Variants in ETFB observed in about 807,000 individuals in gnomAD.
The protein encoded by ETFB is electron transfer flavoprotein subunit beta.
A neutral mutation model predicts 25.6 loss-of-function variants in ETFB; 20 were observed. The ratio of observed to expected loss-of-function variants is 0.78; its 90% CI spans 0.55 to 1.14. The LOEUF is 1.14. Ranked by LOEUF, ETFB falls within the 50% of genes most tolerant of loss-of-function variation. ETFB has a pLI of 0.00. For synonymous variants in ETFB, 142 were observed against 146.7 expected (o/e 0.97, Z 0.23); for missense variants, 286 against 342.6 (o/e 0.83, Z 1.30).
At chr19:51,350,852 A>T (rs1985919137) in intron 3 of ETFB, among the ~76,000 whole-genome samples, 1 of 152,190 alleles carries the variant, frequency 6.6e-6, no homozygotes, top group African/African-American at 2.4e-5. Flanking sequence ...TGTCACGGTG[A>T]CTCAGCGCTG....
intron 2 of ETFB, 148 bp downstream of exon 2, chr19:51,354,002 C>T: frequency 1.0e-6 from 1 of 996,348 alleles, no homozygotes; most frequent in Non-Finnish European, 1.5e-6. Flanking sequence ...CTTCCTCAGA[C>T]CCAGGAATCC....
At chr19:51,363,380 C>T (rs1178742292) in intron 1 of ETFB, among the ~76,000 whole-genome samples, 2 of 152,080 alleles carry the variant, frequency 1.3e-5, no homozygotes, top group Non-Finnish European at 2.9e-5. Context: ...CAGGGATATA[C>T]CAAGGCAACC....
chr19:51,356,207 T>G (rs1986075304), intron 1 of ETFB: 1 of 152,204 alleles, frequency 6.6e-6, no homozygotes, highest in South Asian at 2.1e-4. Flanking sequence ...CTTCTTTTGC[T>G]TATTAAACTT....
chr19:51,353,891 CCCAGGAGTCCAGGGCCCCATCCCCTCCTT>C lies in ETFB; in HGVS notation c.216+230_216+258del, dbSNP rs1419273863. On this transcript the variant is annotated intron_variant, in intron 2 of 5. Transcript: ENST00000309244. The stretch of plus-strand genomic sequence containing the variant: ...GGCCCCCATCCCCTTCTTCCTCAGA[CCCAGGAGTCCAGGGCCCCATCCCCTCCTT>C]CCTCAGACCCAAGAGTCCAGGCCCC... 2.1e-4 allele frequency among the ~76,000 whole-genome samples: 14 copies of C among 67,384 alleles called. 4 individuals are homozygous for C. The highest frequency in any genetic ancestry group is 1.1e-3 in the African/African-American group (14 of 12,476). The allele number at this position is 67,384 out of a possible 152,430, so 44.2% of individuals were successfully genotyped here.
chr19:51,358,825 C>CA (rs1986145808), intron 1 of ETFB, among the ~76,000 whole-genome samples: 1 of 112,762 alleles, frequency 8.9e-6, no homozygotes, highest in African/African-American at 4.3e-5. Flanking sequence ...AACAAACAAA[C>CA]AACAACAAAA....
At chr19:51,346,552 G>A in intron 5 of ETFB, 1 of 278,802 alleles carries the variant, frequency 3.6e-6, no homozygotes, top group South Asian at 4.6e-5. Flanking sequence ...ACTTCACATT[G>A]GCAAAAATTA....
chr19:51,359,184 T>G (rs985340713), intron 1 of ETFB, among the ~76,000 whole-genome samples: 2 of 151,328 alleles, frequency 1.3e-5, no homozygotes, highest in African/African-American at 4.9e-5. Context: ...CCCCAGTAGC[T>G]GGGACCACAG....
chr19:51,346,905 T>C lies in ETFB; in HGVS notation c.592A>G (p.Ile198Val), dbSNP rs1487633382. 1 of 1,553,480 alleles carries C rather than the reference T, an allele frequency of 6.4e-7. No individual in the cohort carries two copies. The highest frequency in any genetic ancestry group is 8.7e-7 in the Non-Finnish European group (1 of 1,148,642). Residue 198 changes from isoleucine to valine, a missense_variant, in exon 5 of 6, where the codon ATC becomes GTC. Transcript: ENST00000309244. ...NEPRYATLPN[I>V]MKAKKKKIEV... Reference sequence around the variant, plus strand: ...CCCGCTGGCCAGGGGCTCACCATGATGTTGGGCAGCGTGGCGTAGCGGGGC... The same window carrying C: ...CCCGCTGGCCAGGGGCTCACCATGACGTTGGGCAGCGTGGCGTAGCGGGGC...
intron 4 of ETFB, among the ~76,000 whole-genome samples, chr19:51,348,840 C>T (rs889693963): frequency 2.0e-5 from 3 of 152,168 alleles, no homozygotes; most frequent in African/African-American, 7.2e-5. Context: ...GAATGTGTTT[C>T]TCATAGAAAT....
At chr19:51,364,534 C>A (rs1986305630) in intron 1 of ETFB, among the ~76,000 whole-genome samples, 1 of 152,182 alleles carries the variant, frequency 6.6e-6, no homozygotes, top group Non-Finnish European at 1.5e-5. Flanking sequence ...CGTGGGCCTG[C>A]ACCATGGGGG....
chr19:51,358,160 C>T (rs1004067770), intron 1 of ETFB, among the ~76,000 whole-genome samples: 3 of 152,182 alleles, frequency 2.0e-5, no homozygotes, highest in Non-Finnish European at 2.9e-5. Flanking sequence ...CCCATGTGGC[C>T]GCCACCCAGG....
chr19:51,346,338 C>T (rs1985783218), intron 5 of ETFB: 1 of 166,068 alleles, frequency 6.0e-6, no homozygotes, highest in African/African-American at 2.4e-5. Flanking sequence ...TTGAACCCTC[C>T]CCATTAGTTG....
Position 51,353,177 on chromosome 19 carries a change from C to T in ETFB, c.330G>A (p.Lys110=). 1 of 1,614,136 alleles carries T rather than the reference C, an allele frequency of 6.2e-7. No individual in the cohort carries two copies. Among genetic ancestry groups the T allele is most frequent in the Non-Finnish European group, 8.5e-7 (1 of 1,180,014 alleles). ...GPLQVARVLA[K]LAEKEKVDLV... ...GGTCCACCTTCTCCTTCTCTGCCAGCTTGGCCAGGACCCGAGCCACCTGCA... is the reference window on the plus strand; with the variant it reads ...GGTCCACCTTCTCCTTCTCTGCCAGTTTGGCCAGGACCCGAGCCACCTGCA... Residue 110 remains lysine (K), a synonymous_variant, in exon 3 of 6, where the codon AAG becomes AAA. Coordinates refer to ENST00000309244, the MANE Select transcript of ETFB (RefSeq NM_001985.3).
chr19:51,365,674 G>T, intron 1 of ETFB: 1 of 160,650 alleles, frequency 6.2e-6, no homozygotes, highest in Admixed American at 5.8e-5. Flanking sequence ...CATGGAGAAT[G>T]TGAGCTACCC....
At chr19:51,353,349 G>A (rs1985977469) in intron 2 of ETFB, 59 bp from the exon 3 acceptor site, 2 of 1,601,118 alleles carry the variant, frequency 1.2e-6, no homozygotes, top group Non-Finnish European at 1.7e-6. Flanking sequence ...TAGGAGTCTG[G>A]CTCGCAGCCC....
At chr19:51,347,595 C>T (rs79955451) in intron 4 of ETFB, 164 of 156,442 alleles carry the variant, frequency 1.0e-3, no homozygotes, top group Non-Finnish European at 1.6e-3. Context: ...TCTGGGACCC[C>T]GTCCTCTAGC....
chr19:51,354,946 C>G (rs1467467737), intron 1 of ETFB: 2 of 363,818 alleles, frequency 5.5e-6, no homozygotes, highest in Non-Finnish European at 1.0e-5. Flanking sequence ...TTACCTAAAA[C>G]AAACCCACGG....
chr19:51,355,712 A>G lies in ETFB; in HGVS notation c.58-1404T>C, dbSNP rs1266882108. On this transcript the variant is annotated intron_variant, in intron 1 of 5. Transcript: ENST00000309244. ...CAACCCAAATGTCCAACAATGATAG[A>G]CTGGATTAAGAAAATGTGGCACATA... 3.3e-5 allele frequency: 5 copies of G among 152,170 alleles called. No homozygotes were observed. In the East Asian group the frequency reaches 5.8e-4, roughly 18 times the overall value. 9.4% of individuals were successfully genotyped at this position (152,170 alleles called of 1,614,324 possible).
In ETFB at chr19:51,345,733, G is replaced by A. The variant is rs114784919; in HGVS notation, c.598-352C>T. Reference sequence around the variant, plus strand: ...CTGAAGGCTCCCAATAGGCTGAGATGATGCACTGAACCCTCCCTATAGACT... The same window carrying A: ...CTGAAGGCTCCCAATAGGCTGAGATAATGCACTGAACCCTCCCTATAGACT... On this transcript the variant is annotated intron_variant, in intron 5 of 5. Coordinates refer to ENST00000309244, the MANE Select transcript of ETFB (RefSeq NM_001985.3). The A allele has an allele frequency of 7.0e-3, 2,712 of 387,902 alleles. 89 individuals are homozygous for A. Among genetic ancestry groups the A allele is most frequent in the African/African-American group, 0.054 (2,575 of 47,732 alleles). 24.0% of individuals were successfully genotyped at this position (387,902 alleles called of 1,614,324 possible). A position where few individuals can be genotyped will look rare whatever the true frequency, so the allele number is the denominator to read the frequency against.
Sources: gnomAD v4.1 joint callset for allele counts (sites outside exome capture counted in the v4.1 genomes callset) on GRCh38, gnomAD v4.1.1 for gene constraint, MANE v1.5 for transcripts, NCBI Gene and HGNC (gene_info 2026-07-23, HGNC 2026-07-21) for gene names.